PHAX: variants seen among roughly 807,000 people sequenced by gnomAD.
The protein encoded by PHAX is phosphorylated adapter RNA export protein.
A neutral mutation model predicts 41.6 loss-of-function variants in PHAX; 31 were observed. The ratio of observed to expected loss-of-function variants is 0.75; its 90% CI spans 0.56 to 1.01. PHAX has a LOEUF of 1.01. PHAX is among the 50% of genes least tolerant of loss of function. The probability of loss-of-function intolerance (pLI) is 0.00; values close to 1 mark genes in which losing one functional copy is unlikely to be tolerated. For missense variants in PHAX, 453 were observed against 472.9 expected (o/e 0.96, Z 0.39); for synonymous variants, 175 against 164.9 (o/e 1.06, Z -0.47).
intron 2 of PHAX, among the ~76,000 whole-genome samples, chr5:126,607,987 T>C (rs1180751447): frequency 2.6e-5 from 4 of 152,212 alleles, no homozygotes; most frequent in Non-Finnish European, 5.9e-5. Context: ...TCTGGAATTA[T>C]GTGAGCCTTA....
chr5:126,621,431 T>C lies in PHAX; in HGVS notation c.916-3144T>C, dbSNP rs559943568. 7.9e-5 allele frequency among the ~76,000 whole-genome samples: 12 copies of C among 151,948 alleles called. No homozygotes were observed. In the South Asian group the frequency reaches 2.3e-3, roughly 29 times the overall value. ...TCAAACTCCTGGCCTTAAGCAATCC[T>C]CCTGCCTGGGCCTCCCAAAGTCCTG... On this transcript the variant is annotated intron_variant, in intron 4 of 4. Transcript: ENST00000297540.
Position 126,625,662 on chromosome 5 carries a change from A to G in PHAX, c.*818A>G, listed in dbSNP as rs1478543543. 3 of 151,784 alleles carry G rather than the reference A, an allele frequency of 2.0e-5. No individual in the cohort carries two copies. Among genetic ancestry groups the G allele is most frequent in the African/African-American group, 7.3e-5 (3 of 41,292 alleles). The allele number at this position is 151,784 out of a possible 1,614,324, so 9.4% of individuals were successfully genotyped here. A position where few individuals can be genotyped will look rare whatever the true frequency, so the allele number is the denominator to read the frequency against. On this transcript the variant is annotated 3_prime_UTR_variant, in exon 5 of 5. Coordinates refer to ENST00000297540, the MANE Select transcript of PHAX (RefSeq NM_032177.4). ...ATTCTTCCCACTCATTTGTTTGTCC[A>G]GAAGTAAATAAATGTCGGAAGTTTT... is the stretch of plus-strand genomic sequence containing the variant.
Position 126,607,966 on chromosome 5 carries a change from C to T in PHAX, c.711-398C>T, listed in dbSNP as rs1752017138. Among the ~76,000 whole-genome samples, 3 of 152,142 alleles carry T rather than the reference C, an allele frequency of 2.0e-5. No homozygotes were observed. The South Asian group carries it at 6.2e-4, about 32-fold the overall frequency. On this transcript the variant is annotated intron_variant, in intron 2 of 4. Transcript: ENST00000297540. ...GGAAAGGTCCTATCCCATTTTAAAG[C>T]TCCAGACATCTCTGGAATTATGTGA...
Position 126,600,967 on chromosome 5 carries a change from C to T in PHAX, c.5C>T (p.Ala2Val). 6.2e-7 allele frequency: 1 copy of T among 1,603,292 alleles called. No individual in the cohort carries two copies. The highest frequency in any genetic ancestry group is 8.5e-7 in the Non-Finnish European group (1 of 1,174,842). Residue 2 changes from alanine to valine, a missense_variant, in exon 1 of 5, where the codon GCG becomes GTG. Coordinates refer to ENST00000297540, the MANE Select transcript of PHAX (RefSeq NM_032177.4). ...AGCGCAGCGCACCGCGGGAAGATGG[C>T]GTTGGAGGTCGGCGATATGGAAGAT... M[A>V]LEVGDMEDGQ...
At chr5:126,608,734 C>T (rs900258400) in intron 3 of PHAX, among the ~76,000 whole-genome samples, 2 of 151,936 alleles carry the variant, frequency 1.3e-5, no homozygotes, top group East Asian at 1.9e-4. Context: ...ATCGGGAGTT[C>T]GAGACCAGCC....
At position 126,601,583 on chromosome 5, in the gene PHAX, A is replaced by G. The variant is rs115370652; in HGVS notation, c.96+525A>G. ...GGCCCAGGAATGAAGTTTATCGCTCACTCAAAGATCTGGTTTTCCATGTTT... is the reference window on the plus strand; with the variant it reads ...GGCCCAGGAATGAAGTTTATCGCTCGCTCAAAGATCTGGTTTTCCATGTTT... On this transcript the variant is annotated intron_variant, in intron 1 of 4. Transcript: ENST00000297540. Among the ~76,000 whole-genome samples, 1,071 of 152,242 alleles carry G rather than the reference A, an allele frequency of 7.0e-3. 11 individuals carry two copies. Among genetic ancestry groups the G allele is most frequent in the African/African-American group, 0.025 (1,037 of 41,542 alleles).
rs772299235 is a variant in PHAX at position 126,600,987 on chromosome 5, G to A, written c.25G>A (p.Glu9Lys). ...GATGGCGTTGGAGGTCGGCGATATG[G>A]AAGATGGGCAGCTTTCCGACTCGGA... is the stretch of plus-strand genomic sequence containing the variant. MALEVGDM[E>K]DGQLSDSDSD... Residue 9 changes from glutamate to lysine, a missense_variant, in exon 1 of 5, where the codon GAA becomes AAA. By Grantham distance (56) the Glu-to-Lys change is moderately conservative (BLOSUM62 1). Transcript: ENST00000297540. 3.8e-5 allele frequency: 61 copies of A among 1,604,466 alleles called. No individual in the cohort carries two copies. Among genetic ancestry groups the A allele is most frequent in the Non-Finnish European group, 4.8e-5 (56 of 1,175,684 alleles).
At chr5:126,618,818 C>G (rs994481887) in intron 4 of PHAX, among the ~76,000 whole-genome samples, 1 of 152,034 alleles carries the variant, frequency 6.6e-6, no homozygotes, top group African/African-American at 2.4e-5. Flanking sequence ...GCCACCACGC[C>G]CAGCTAATTT....
intron 3 of PHAX, among the ~76,000 whole-genome samples, chr5:126,612,672 G>T (rs1752121391): frequency 6.6e-6 from 1 of 152,086 alleles, no homozygotes; most frequent in Non-Finnish European, 1.5e-5. Flanking sequence ...TTGGACTCCA[G>T]CCTGGGCAAC....
At chr5:126,615,710 A>G (rs1046467576) in intron 3 of PHAX, among the ~76,000 whole-genome samples, 2 of 152,130 alleles carry the variant, frequency 1.3e-5, no homozygotes, top group African/African-American at 4.8e-5. Flanking sequence ...TGAATCAACA[A>G]TATGTTTTCA....
At chr5:126,606,525 A>G (rs935519496) in intron 2 of PHAX, among the ~76,000 whole-genome samples, 1 of 152,162 alleles carries the variant, frequency 6.6e-6, no homozygotes, top group African/African-American at 2.4e-5. Flanking sequence ...GCAGGAATCA[A>G]TACATTTTTA....
chr5:126,619,547 GC>G (rs1752238101), intron 4 of PHAX, among the ~76,000 whole-genome samples: 1 of 150,144 alleles, frequency 6.7e-6, no homozygotes, highest in African/African-American at 2.5e-5. Flanking sequence ...CTGTACTCCA[GC>G]CTGGGTGACA....
chr5:126,605,095 A>G (rs10037454), intron 2 of PHAX, among the ~76,000 whole-genome samples: 40,146 of 151,554 alleles, frequency 0.26, 6,635 homozygotes, highest in African/African-American at 0.45. Flanking sequence ...ACTCCTGGGA[A>G]CAAGCAGTCC....
At chr5:126,610,897 G>C (rs1708931118) in intron 3 of PHAX, among the ~76,000 whole-genome samples, 1 of 151,984 alleles carries the variant, frequency 6.6e-6, no homozygotes, top group South Asian at 2.1e-4. Context: ...AGTAGAGATG[G>C]AGTTTTACCA....
In PHAX at chr5:126,625,511, C is replaced by T. The variant is rs966391075; in HGVS notation, c.*667C>T. The T allele has an allele frequency of 1.3e-5, 2 of 151,438 alleles. No individual in the cohort carries two copies. The highest frequency in any genetic ancestry group is 1.3e-4 in the Admixed American group (2 of 15,144). The allele number at this position is 151,438 out of a possible 1,614,324, so 9.4% of individuals were successfully genotyped here. ...ACTCGGGAGGCTGAGGCAGGAGAAT[C>T]ACCTGAACCCGGGAGGCAAAGGTTG... On this transcript the variant is annotated 3_prime_UTR_variant, in exon 5 of 5. Transcript: ENST00000297540.
intron 3 of PHAX, among the ~76,000 whole-genome samples, chr5:126,612,179 C>T (rs1752112325): frequency 6.6e-6 from 1 of 152,104 alleles, no homozygotes; most frequent in Non-Finnish European, 1.5e-5. Context: ...TAAAGATAGG[C>T]TCTTACCCTG....
intron 4 of PHAX, 93 bp downstream of exon 4, chr5:126,617,426 C>T (rs1581421575): frequency 1.5e-6 from 1 of 662,454 alleles, no homozygotes; most frequent in Non-Finnish European, 2.6e-6. Context: ...ATTACCTGTT[C>T]TGCCTTCAGT....
intron 1 of PHAX, 100 bp from the exon 2 acceptor site, chr5:126,603,470 C>G (rs1469546819): frequency 1.6e-6 from 2 of 1,277,482 alleles, no homozygotes; most frequent in African/African-American, 3.0e-5. Context: ...AAGATCAGTT[C>G]CATTTTGGAA....
intron 3 of PHAX, among the ~76,000 whole-genome samples, 157 bp downstream of exon 3, chr5:126,608,641 A>T (rs568846765): frequency 6.6e-6 from 1 of 151,724 alleles, no homozygotes; most frequent in Non-Finnish European, 1.5e-5. Flanking sequence ...GAAGACTGTT[A>T]AAAAAAAATT....
Sources: allele counts gnomAD v4.1 joint callset (sites outside exome capture counted in the v4.1 genomes callset), GRCh38; gene constraint gnomAD v4.1.1; transcripts MANE v1.5; gene names NCBI Gene and HGNC (gene_info 2026-07-23, HGNC 2026-07-21).